The following AP2A1 variants were observed in gnomAD, a reference collection of about 807,000 sequenced individuals.
AP2A1 encodes AP-2 complex subunit alpha-1.
Under a neutral mutation model 107.3 loss-of-function variants are expected in AP2A1, and 21 were observed. The ratio of observed to expected loss-of-function variants is 0.20; its 90% CI spans 0.14 to 0.28. AP2A1 has a LOEUF of 0.28. AP2A1 is among the 10% of genes least tolerant of loss of function. The probability of loss-of-function intolerance (pLI) is 1.00; values close to 1 mark genes in which losing one functional copy is unlikely to be tolerated. For missense variants in AP2A1, 873 were observed against 1,307.7 expected (o/e 0.67, Z 5.13); for synonymous variants, 602 against 564.8 (o/e 1.07, Z -0.93).
In AP2A1 at chr19:49,782,521, C is replaced by T; in HGVS notation, c.280-10C>T. On this transcript the variant is annotated splice_polypyrimidine_tract_variant and intron_variant, in intron 3 of 22. Coordinates refer to ENST00000354293, the MANE Select transcript of AP2A1 (RefSeq NM_130787.3). Reference sequence around the variant, plus strand: ...AGGCTCCTAGCCATCCACGACCTCCCTCCCCACAGGGTTACCTGTTCATTT... The same window carrying T: ...AGGCTCCTAGCCATCCACGACCTCCTTCCCCACAGGGTTACCTGTTCATTT... 6.2e-7 allele frequency: 1 copy of T among 1,612,130 alleles called. No homozygotes were observed. The highest frequency in any genetic ancestry group is 1.7e-5 in the Admixed American group (1 of 59,862).
chr19:49,781,627 T>G lies in AP2A1; in HGVS notation c.68-130T>G. Reference sequence around the variant, plus strand: ...CAGCCAGAGAAGGGGTCCTGGCCTGTCCTGAGCCCCAGGGCTTGGGGGCGG... The same window carrying G: ...CAGCCAGAGAAGGGGTCCTGGCCTGGCCTGAGCCCCAGGGCTTGGGGGCGG... On this transcript the variant is annotated intron_variant, in intron 1 of 22. Coordinates refer to ENST00000354293, the MANE Select transcript of AP2A1 (RefSeq NM_130787.3). The G allele has an allele frequency of 4.2e-6, 4 of 956,048 alleles. No homozygotes were observed. The South Asian group carries it at 6.3e-5, about 15-fold the overall frequency. 59.2% of individuals were successfully genotyped at this position (956,048 alleles called of 1,614,324 possible).
intron 6 of AP2A1, 48 bp from the exon 7 acceptor site, chr19:49,795,582 G>GGGCCC: frequency 1.7e-5 from 12 of 692,032 alleles, no homozygotes; most frequent in East Asian, 2.9e-5. Context: ...GGACCCACGT[G>GGGCCC]CCCCTCCCAC....
chr19:49,778,470 C>G lies in AP2A1; in HGVS notation c.68-3287C>G, dbSNP rs1228344738. ...TGGTGACGCATGCCTGTCATCCCAG[C>G]TACTCAGGAGGCTGAGGTAGGAGAA... On this transcript the variant is annotated intron_variant, in intron 1 of 22. Transcript: ENST00000354293. 5.9e-5 allele frequency among the ~76,000 whole-genome samples: 9 copies of G among 152,186 alleles called. No individual in the cohort carries two copies. In the South Asian group the frequency reaches 1.9e-3, roughly 32 times the overall value.
chr19:49,780,951 G>A (rs750407408), intron 1 of AP2A1, among the ~76,000 whole-genome samples: 2 of 152,088 alleles, frequency 1.3e-5, no homozygotes, highest in Admixed American at 6.6e-5. Context: ...AAGAGGGAAC[G>A]GTAGAACCTG....
At position 49,799,941 on chromosome 19, in the gene AP2A1, ACTCT is replaced by A. The variant is rs768733259; in HGVS notation, c.1273-21_1273-18del. The stretch of plus-strand genomic sequence containing the variant: ...GAAAGCCCGACATGGCCTGCGGCAC[ACTCT>A]CTCTCACACGCCCCGGCGGCAGGTC... On this transcript the variant is annotated intron_variant, in intron 10 of 22. Transcript: ENST00000354293. 14 of 1,607,512 alleles carry A rather than the reference ACTCT, an allele frequency of 8.7e-6. No homozygotes were observed. The South Asian group carries it at 8.8e-5, about 10-fold the overall frequency.
rs374354429 is a variant in AP2A1, at chr19:49,800,141, C to A, written c.1446C>A (p.Thr482=). The A allele has an allele frequency of 1.2e-6, 2 of 1,609,728 alleles. No individual in the cohort carries two copies. The highest frequency in any genetic ancestry group is 1.7e-6 in the Non-Finnish European group (2 of 1,176,966). Residue 482 remains threonine, a synonymous_variant, in exon 11 of 23, where the codon ACC becomes ACA. Transcript: ENST00000354293. Reference sequence around the variant, plus strand: ...ACGTCCAGGGCTATGCCGCCAAGACCGTCTTTGAGGTCAGCATCCCTGACC... The same window carrying A: ...ACGTCCAGGGCTATGCCGCCAAGACAGTCTTTGAGGTCAGCATCCCTGACC... The part of the protein sequence containing the change: ...RDDVQGYAAK[T]VFEALQAPAC...
At chr19:49,782,425 C>G (rs1338225036) in intron 3 of AP2A1, 106 bp from the exon 4 acceptor site, 1 of 1,290,350 alleles carries the variant, frequency 7.7e-7, no homozygotes, top group Non-Finnish European at 1.1e-6. Flanking sequence ...GCCTGGACTC[C>G]TGGGTCTGAG....
intron 18 of AP2A1, 101 bp downstream of exon 18, chr19:49,803,477 CT>C: frequency 1.1e-6 from 1 of 915,556 alleles, no homozygotes; most frequent in Non-Finnish European, 1.8e-6. Context: ...TTCAGCCTCT[CT>C]TGGGCACGCA....
rs1436041212 is a variant in AP2A1 at position 49,805,911 on chromosome 19, C to G, written c.2625C>G (p.His875Gln). The change falls in exon 21 of 23, where the codon CAC becomes CAG. Residue 875 changes from histidine to glutamine, a missense_variant. His to Gln is a conservative substitution (Grantham distance 24, BLOSUM62 0). Transcript: ENST00000354293. ...QEAQKIFKAN[H>Q]PMDAEVTKAK... ...CGCAGAAAATCTTCAAAGCCAACCA[C>G]CCCATGGACGCAGAAGTTACTAAGG... 1.2e-6 allele frequency: 2 copies of G among 1,613,752 alleles called. No homozygotes were observed. The highest frequency in any genetic ancestry group is 1.6e-4 in the Middle Eastern group (1 of 6,084).
At chr19:49,790,948 C>G (rs1359172865) in intron 4 of AP2A1, among the ~76,000 whole-genome samples, 1 of 152,254 alleles carries the variant, frequency 6.6e-6, no homozygotes, top group Non-Finnish European at 1.5e-5. Flanking sequence ...TGCTCACCAC[C>G]CACAGCGGCT....
rs1268916166 is a variant in AP2A1, at chr19:49,799,965, C to T, written c.1273-3C>T. On this transcript the variant is annotated splice_polypyrimidine_tract_variant and splice_region_variant and intron_variant, in intron 10 of 22. Transcript: ENST00000354293. ...CACTCTCTCTCACACGCCCCGGCGG[C>T]AGGTCCTGAAGGTGGCCATCCTGGC... The T allele has an allele frequency of 7.4e-6, 12 of 1,612,322 alleles. No homozygotes were observed. Among genetic ancestry groups the T allele is most frequent in the Non-Finnish European group, 1.0e-5 (12 of 1,178,506 alleles).
intron 6 of AP2A1, among the ~76,000 whole-genome samples, chr19:49,795,000 C>G (rs916126544): frequency 6.6e-6 from 1 of 152,210 alleles, no homozygotes; most frequent in South Asian, 2.1e-4. Context: ...CTGCCTCTTC[C>G]CCGAACCTCT....
At chr19:49,789,211 T>G (rs564349769) in intron 4 of AP2A1, among the ~76,000 whole-genome samples, 2 of 152,320 alleles carry the variant, frequency 1.3e-5, no homozygotes, top group East Asian at 3.9e-4. Flanking sequence ...AACCCTTTAC[T>G]GATAGGCCAT....
intron 22 of AP2A1, 128 bp from the exon 23 acceptor site, chr19:49,806,553 T>G: frequency 6.7e-7 from 1 of 1,491,632 alleles, no homozygotes; most frequent in Admixed American, 2.4e-5. Flanking sequence ...CAGTCTTACA[T>G]TTTTCTCTCC....
At position 49,806,972 on chromosome 19, in the gene AP2A1, T is replaced by C. The variant is rs1472154675; in HGVS notation, c.*214T>C. ...TAGGGGGAGTCCCCCTCCCTCCCTT[T>C]CCCCCCCAAGCACAGAGGGGAGAGG... On this transcript the variant is annotated 3_prime_UTR_variant, in exon 23 of 23. Coordinates refer to ENST00000354293, the MANE Select transcript of AP2A1 (RefSeq NM_130787.3). 23 of 1,530,450 alleles carry C rather than the reference T, an allele frequency of 1.5e-5. No individual in the cohort carries two copies. The highest frequency in any genetic ancestry group is 1.2e-4 in the Admixed American group (6 of 50,758). The allele number at this position is 1,530,450 out of a possible 1,614,324, so 94.8% of individuals were successfully genotyped here.
At chr19:49,786,408 C>T (rs983364217) in intron 4 of AP2A1, among the ~76,000 whole-genome samples, 4 of 152,178 alleles carry the variant, frequency 2.6e-5, no homozygotes, top group Non-Finnish European at 4.4e-5. Flanking sequence ...TGCGGCGTTG[C>T]GGGTGTCTCT....
intron 6 of AP2A1, among the ~76,000 whole-genome samples, chr19:49,794,801 CA>C (rs751626487): frequency 7.2e-5 from 11 of 152,064 alleles, no homozygotes; most frequent in Non-Finnish European, 1.3e-4. Context: ...TAGCATGGAT[CA>C]CAGGCATGTG....
chr19:49,777,374 G>A (rs1364110097), intron 1 of AP2A1, among the ~76,000 whole-genome samples: 1 of 152,046 alleles, frequency 6.6e-6, no homozygotes, highest in Non-Finnish European at 1.5e-5. Flanking sequence ...GGTGGCTCAT[G>A]CCTGTAATCA....
Position 49,799,314 on chromosome 19 carries a change from C to A in AP2A1, c.966-13C>A, listed in dbSNP as rs781732825. ...TTCTCTCACCATCCCTCTCTTGTGG[C>A]CCCTGCTGGCAGTGAGCCCAACCTC... is the stretch of plus-strand genomic sequence containing the variant. On this transcript the variant is annotated splice_polypyrimidine_tract_variant and intron_variant, in intron 8 of 22. Coordinates refer to ENST00000354293, the MANE Select transcript of AP2A1 (RefSeq NM_130787.3). The A allele has an allele frequency of 3.2e-5, 51 of 1,607,118 alleles. No homozygotes were observed. In the Middle Eastern group the frequency reaches 1.2e-3, roughly 36 times the overall value.
Sources: allele counts gnomAD v4.1 joint callset (sites outside exome capture counted in the v4.1 genomes callset), GRCh38; gene constraint gnomAD v4.1.1; transcripts MANE v1.5; gene names NCBI Gene and HGNC (gene_info 2026-07-23, HGNC 2026-07-21).